The following EPHX2 variants were observed in gnomAD, a reference collection of about 807,000 sequenced individuals.
EPHX2 encodes bifunctional epoxide hydrolase 2.
In EPHX2, 74 loss-of-function variants were observed where a neutral mutation model predicts 78.7. That is an observed-to-expected ratio of 0.94 (90% CI 0.78 to 1.14). The LOEUF is 1.14. Ranked by LOEUF, EPHX2 falls within the 50% of genes most tolerant of loss-of-function variation. The probability of loss-of-function intolerance (pLI) is 0.00; values close to 1 mark genes in which losing one functional copy is unlikely to be tolerated. For synonymous variants in EPHX2, 251 were observed against 255.2 expected (o/e 0.98, Z 0.16); for missense variants, 715 against 702.5 (o/e 1.02, Z -0.20).
chr8:27,512,976 G>A (rs541428483), intron 6 of EPHX2, among the ~76,000 whole-genome samples: 1 of 152,342 alleles, frequency 6.6e-6, no homozygotes, highest in South Asian at 2.1e-4. Context: ...CTATGGCTGT[G>A]CTGACCTTGG....
intron 1 of EPHX2, among the ~76,000 whole-genome samples, chr8:27,495,759 G>A (rs1383332932): frequency 6.6e-6 from 1 of 152,188 alleles, no homozygotes; most frequent in East Asian, 1.9e-4. Flanking sequence ...CCTTACTTAG[G>A]TATGCCACTG....
intron 6 of EPHX2, 67 bp from the exon 7 acceptor site, chr8:27,515,651 C>A: frequency 2.2e-6 from 3 of 1,350,578 alleles, no homozygotes; most frequent in Non-Finnish European, 3.1e-6. Flanking sequence ...ATTCTGCAGA[C>A]GCTGTGGGGC....
chr8:27,520,863 G>C lies in EPHX2; in HGVS notation c.946-20G>C, dbSNP rs1421741625. The C allele has an allele frequency of 1.2e-6, 2 of 1,614,212 alleles. No individual in the cohort carries two copies. The highest frequency in any genetic ancestry group is 1.7e-6 in the Non-Finnish European group (2 of 1,180,034). ...GCGGGTGTGGTTGCTGATTTTGCCTGTGTGTGTCTTCTTCCTTAGGAGATG... is the reference window on the plus strand; with the variant it reads ...GCGGGTGTGGTTGCTGATTTTGCCTCTGTGTGTCTTCTTCCTTAGGAGATG... On this transcript the variant is annotated intron_variant, in intron 9 of 18. Coordinates refer to ENST00000521400, the MANE Select transcript of EPHX2 (RefSeq NM_001979.6).
intron 11 of EPHX2, among the ~76,000 whole-genome samples, chr8:27,524,293 A>G (rs1238030491): frequency 6.6e-6 from 1 of 152,038 alleles, no homozygotes; most frequent in East Asian, 1.9e-4. Context: ...TCAGTGGTCT[A>G]CTGGCTGGAT....
chr8:27,508,946 CTTTTTTTTTT>C (rs34748947), intron 5 of EPHX2, among the ~76,000 whole-genome samples: 4 of 64,406 alleles, frequency 6.2e-5, no homozygotes, highest in African/African-American at 1.5e-4. Context: ...CCCCATCCTG[CTTTTTTTTTT>C]TTTTTTTTTT....
chr8:27,537,105 T>C (rs1478683862), intron 13 of EPHX2, among the ~76,000 whole-genome samples: 1 of 152,242 alleles, frequency 6.6e-6, no homozygotes, highest in Non-Finnish European at 1.5e-5. Flanking sequence ...ACATGCATAA[T>C]TGGCTTACCC....
At position 27,522,508 on chromosome 8, in the gene EPHX2, G is replaced by A; in HGVS notation, c.1058G>A (p.Arg353Lys). 6.2e-7 allele frequency: 1 copy of A among 1,613,842 alleles called. No homozygotes were observed. The highest frequency in any genetic ancestry group is 8.5e-7 in the Non-Finnish European group (1 of 1,179,852). ...GCTCTCTTCTACCCCGAGAGAGTGA[G>A]GTAATTGGGCCTCGGGCAATAAAGA... ...YMALFYPERV[R>K]AVASLNTPFI... Residue 353 changes from arginine to lysine, a missense_variant and splice_region_variant, in exon 11 of 19, where the codon AGG (arginine) becomes AAG (lysine). Coordinates refer to ENST00000521400, the MANE Select transcript of EPHX2 (RefSeq NM_001979.6).
In EPHX2 at chr8:27,543,761, G is replaced by T. The variant is rs1815488459; in HGVS notation, c.1462G>T (p.Ala488Ser). The T allele has an allele frequency of 6.2e-7, 1 of 1,613,898 alleles. No individual in the cohort carries two copies. The highest frequency in any genetic ancestry group is 8.5e-7 in the Non-Finnish European group (1 of 1,180,018). Residue 488 changes from alanine to serine, a missense_variant, in exon 17 of 19, where the codon GCC becomes TCC. By Grantham distance (99) the Ala-to-Ser change is moderately conservative. Transcript: ENST00000521400. ...KSLGRKILIP[A>S]LMVTAEKDFV... Reference sequence around the variant, plus strand: ...GTTCTCCCCCCAGATCCTGATTCCGGCCCTGATGGTCACGGCGGAGAAGGA... The same window carrying T: ...GTTCTCCCCCCAGATCCTGATTCCGTCCCTGATGGTCACGGCGGAGAAGGA...
At chr8:27,495,327 C>G (rs1813534353) in intron 1 of EPHX2, among the ~76,000 whole-genome samples, 1 of 152,246 alleles carries the variant, frequency 6.6e-6, no homozygotes, top group Non-Finnish European at 1.5e-5. Flanking sequence ...AAGAGGCTTA[C>G]TTTCAAGTAC....
Position 27,520,751 on chromosome 8 carries a change from G to A in EPHX2, c.946-132G>A, listed in dbSNP as rs1585205877. On this transcript the variant is annotated intron_variant, in intron 9 of 18. Transcript: ENST00000521400. ...CTTAAAGGCTGTATCTTCAAAAACA[G>A]TCCCATTCTGAGGCCCTGGGGGTTA... 12 of 1,033,634 alleles carry A rather than the reference G, an allele frequency of 1.2e-5. No homozygotes were observed. The East Asian group carries it at 2.1e-4, about 18-fold the overall frequency. 64.0% of individuals were successfully genotyped at this position (1,033,634 alleles called of 1,614,324 possible).
Position 27,491,201 on chromosome 8 carries a change from C to G in EPHX2, c.-8C>G. On this transcript the variant is annotated 5_prime_UTR_variant, in exon 1 of 19. Transcript: ENST00000521400. ...CGTGTCCGGGTGCTAGGCTGCAGAC[C>G]CGCCGCCATGACGCTGCGCGCGGCC... is the stretch of plus-strand genomic sequence containing the variant. 1.3e-6 allele frequency: 2 copies of G among 1,574,792 alleles called. No homozygotes were observed. The highest frequency in any genetic ancestry group is 1.4e-5 in the African/African-American group (1 of 73,408).
chr8:27,543,652 G>A (rs1450057562), intron 16 of EPHX2, 97 bp from the exon 17 acceptor site: 11 of 1,233,032 alleles, frequency 8.9e-6, no homozygotes, highest in Non-Finnish European at 1.2e-5. Context: ...TACAACGTCA[G>A]GACCACAGCA....
chr8:27,493,742 A>G (rs1414251182), intron 1 of EPHX2, among the ~76,000 whole-genome samples: 1 of 152,170 alleles, frequency 6.6e-6, no homozygotes, highest in African/African-American at 2.4e-5. Context: ...TAAGAAGAAT[A>G]TGCCTTGGCT....
intron 10 of EPHX2, among the ~76,000 whole-genome samples, chr8:27,521,427 G>C (rs1814644489): frequency 6.6e-6 from 1 of 152,120 alleles, no homozygotes; most frequent in South Asian, 2.1e-4. Context: ...GAGGTCAGAG[G>C]GGCAGAATGG....
intron 12 of EPHX2, among the ~76,000 whole-genome samples, chr8:27,533,893 G>C (rs980506583): frequency 2.0e-5 from 3 of 152,104 alleles, no homozygotes; most frequent in Admixed American, 2.0e-4. Context: ...TAGACTCTTT[G>C]ATTTTCTTTA....
At chr8:27,546,145 A>G (rs1815572870), downstream of EPHX2, among the ~76,000 whole-genome samples, 1 of 151,228 alleles carries the variant, frequency 6.6e-6, no homozygotes, top group Admixed American at 6.6e-5. Flanking sequence ...AAAAAAAAAA[A>G]GAGAAGTTCT....
chr8:27,501,306 G>C (rs1160701330), intron 2 of EPHX2, among the ~76,000 whole-genome samples: 2 of 149,352 alleles, frequency 1.3e-5, no homozygotes, highest in Non-Finnish European at 3.0e-5. Context: ...AGGTAAGAAA[G>C]AGGGAAATGC....
At chr8:27,546,600 A>G (rs1815580478), downstream of EPHX2, among the ~76,000 whole-genome samples, 1 of 152,164 alleles carries the variant, frequency 6.6e-6, no homozygotes. Context: ...AATAATCAAA[A>G]CCTAAAAGCG....
chr8:27,531,674 T>C (rs971214243), intron 12 of EPHX2, among the ~76,000 whole-genome samples: 2 of 152,238 alleles, frequency 1.3e-5, no homozygotes, highest in Non-Finnish European at 2.9e-5. Flanking sequence ...GCAGGAGGGC[T>C]GAGTGGGGGC....
Sources: gnomAD v4.1 joint callset for allele counts (sites outside exome capture counted in the v4.1 genomes callset) on GRCh38, gnomAD v4.1.1 for gene constraint, MANE v1.5 for transcripts, NCBI Gene and HGNC (gene_info 2026-07-23, HGNC 2026-07-21) for gene names.